The following WWC1 variants were observed in gnomAD, a reference collection of about 807,000 sequenced individuals.
WWC1 encodes the protein protein KIBRA.
A neutral mutation model predicts 138.4 loss-of-function variants in WWC1; 55 were observed. That is an observed-to-expected ratio of 0.40 (90% CI 0.32 to 0.50). The LOEUF (loss-of-function observed/expected upper bound fraction) is 0.50. Among genes scored for constraint, WWC1 ranks in the 20% least tolerant of loss-of-function variants. The pLI is 0.72. For missense variants in WWC1, 1,226 were observed against 1,420.4 expected (o/e 0.86, Z 2.20); for synonymous variants, 524 against 564.9 (o/e 0.93, Z 1.03).
intron 1 of WWC1, among the ~76,000 whole-genome samples, chr5:168,339,146 G>A (rs527589302): frequency 2.0e-5 from 3 of 152,134 alleles, no homozygotes; most frequent in African/African-American, 4.8e-5. Flanking sequence ...GCTGAGAAAC[G>A]GTCTGGCTAT....
Position 168,411,952 on chromosome 5 carries a change from G to A in WWC1, c.941+1957G>A, listed in dbSNP as rs571900044. The stretch of plus-strand genomic sequence containing the variant: ...GGAATATTATTAACAAAAGAAGAAG[G>A]AATTGAATACTGGTCAGGTAGAAAA... On this transcript the variant is annotated intron_variant, in intron 8 of 22. Coordinates refer to ENST00000265293, the MANE Select transcript of WWC1 (RefSeq NM_015238.3). The A allele has an allele frequency of 7.8e-4, 767 of 979,798 alleles. 1 individual carries two copies. The highest frequency in any genetic ancestry group is 9.2e-4 in the Admixed American group (15 of 16,258). The allele number at this position is 979,798 out of a possible 1,614,324, so 60.7% of individuals were successfully genotyped here.
chr5:168,339,869 C>T lies in WWC1; in HGVS notation c.120-31555C>T, dbSNP rs2152776173. Among the ~76,000 whole-genome samples, 4 of 129,928 alleles carry T rather than the reference C, an allele frequency of 3.1e-5. No individual in the cohort carries two copies. In the East Asian group the frequency reaches 6.1e-4, roughly 20 times the overall value. The allele number at this position is 129,928 out of a possible 152,430, so 85.2% of individuals were successfully genotyped here. On this transcript the variant is annotated intron_variant, in intron 1 of 22. Transcript: ENST00000265293. ...TCTTTCTTTCTCTCTTTCTCTCTCT[C>T]TCTCTCCCTCTCTCCCTCTCTCTCT...
Position 168,340,493 on chromosome 5 carries a change from C to T in WWC1, c.120-30931C>T, listed in dbSNP as rs144362476. Among the ~76,000 whole-genome samples, 3 of 151,808 alleles carry T rather than the reference C, an allele frequency of 2.0e-5. No individual in the cohort carries two copies. In the East Asian group the frequency reaches 5.8e-4, roughly 29 times the overall value. The stretch of plus-strand genomic sequence containing the variant: ...CACTTAGCAGTCATCCCCCAATCTT[C>T]ACTTCCCCCCAGCCCTAGACAACCA... On this transcript the variant is annotated intron_variant, in intron 1 of 22. Transcript: ENST00000265293.
intron 9 of WWC1, among the ~76,000 whole-genome samples, chr5:168,418,272 C>G (rs1477305): frequency 0.43 from 65,880 of 151,992 alleles, 15,734 homozygotes; most frequent in East Asian, 0.77. Context: ...CTGCCTCCCC[C>G]TCCTTCCCGA....
At chr5:168,457,856 T>TA (rs1756472029) in intron 19 of WWC1, among the ~76,000 whole-genome samples, 1 of 152,234 alleles carries the variant, frequency 6.6e-6, no homozygotes, top group African/African-American at 2.4e-5. Context: ...TTCCCTGAGA[T>TA]AAAAACAAAC....
chr5:168,387,998 G>A (rs1376049680), intron 3 of WWC1, among the ~76,000 whole-genome samples: 2 of 152,232 alleles, frequency 1.3e-5, no homozygotes, highest in East Asian at 1.9e-4. Context: ...TGGGGGACAG[G>A]ATATTTACAT....
intron 15 of WWC1, among the ~76,000 whole-genome samples, chr5:168,439,613 A>G (rs926806104): frequency 2.0e-5 from 3 of 150,900 alleles, no homozygotes; most frequent in African/African-American, 2.5e-5. Flanking sequence ...CTCGGCAACA[A>G]GAGCAAAACT....
At chr5:168,358,313 G>A (rs1011912596) in intron 1 of WWC1, among the ~76,000 whole-genome samples, 1 of 152,240 alleles carries the variant, frequency 6.6e-6, no homozygotes, top group Admixed American at 6.5e-5. Flanking sequence ...TTCAGAGAAT[G>A]AATGAGGATG....
intron 17 of WWC1, among the ~76,000 whole-genome samples, chr5:168,448,997 A>T (rs768916554): frequency 6.6e-6 from 1 of 152,164 alleles, no homozygotes; most frequent in Non-Finnish European, 1.5e-5. Flanking sequence ...CACTCAATCT[A>T]ATCAAACTGC....
chr5:168,323,833 C>T (rs1193275096), intron 1 of WWC1, among the ~76,000 whole-genome samples: 5 of 152,100 alleles, frequency 3.3e-5, no homozygotes, highest in Admixed American at 6.6e-5. Flanking sequence ...ACATCATAGT[C>T]AAACTGCTGA....
At chr5:168,430,759 T>A (rs138842047) in intron 14 of WWC1, among the ~76,000 whole-genome samples, 10 of 152,338 alleles carry the variant, frequency 6.6e-5, no homozygotes, top group African/African-American at 2.4e-4. Context: ...GGGTTTATCC[T>A]TTATTGCACT....
At chr5:168,300,320 C>G (rs1217178993) in intron 1 of WWC1, among the ~76,000 whole-genome samples, 2 of 151,838 alleles carry the variant, frequency 1.3e-5, no homozygotes, top group East Asian at 3.9e-4. Flanking sequence ...GGCAGGCGTT[C>G]ACTGTTGTGT....
At chr5:168,323,588 GA>G (rs1032934355) in intron 1 of WWC1, among the ~76,000 whole-genome samples, 2 of 151,528 alleles carry the variant, frequency 1.3e-5, no homozygotes, top group African/African-American at 2.4e-5. Context: ...AGCACAGAAG[GA>G]AAAAAAGCTT....
At chr5:168,362,849 G>T (rs1274752583) in intron 1 of WWC1, among the ~76,000 whole-genome samples, 2 of 152,194 alleles carry the variant, frequency 1.3e-5, no homozygotes, top group South Asian at 4.1e-4. Context: ...TTTGGCAGTG[G>T]GGAGGTGAGC....
chr5:168,307,365 C>T (rs1343388655), intron 1 of WWC1, among the ~76,000 whole-genome samples: 1 of 152,118 alleles, frequency 6.6e-6, no homozygotes, highest in Non-Finnish European at 1.5e-5. Flanking sequence ...TAGACTAGAG[C>T]GTCTTTCACT....
At chr5:168,310,941 A>G (rs968478179) in intron 1 of WWC1, among the ~76,000 whole-genome samples, 2 of 152,204 alleles carry the variant, frequency 1.3e-5, no homozygotes, top group African/African-American at 4.8e-5. Context: ...ACACTAGTTC[A>G]TGCAGTTTTT....
At chr5:168,311,462 T>A (rs879519864) in intron 1 of WWC1, among the ~76,000 whole-genome samples, 129 of 152,220 alleles carry the variant, frequency 8.5e-4, no homozygotes, top group Non-Finnish European at 1.6e-3. Flanking sequence ...CATGGTTTCC[T>A]CTGCCTCCTA....
rs182888404 is a variant in WWC1 at position 168,342,931 on chromosome 5, C to T, written c.120-28493C>T. Among the ~76,000 whole-genome samples, 104 of 152,262 alleles carry T rather than the reference C, an allele frequency of 6.8e-4. 2 individuals carry two copies. In the East Asian group the frequency reaches 0.018, roughly 27 times the overall value. ...AAGTGCCCACCACCAAGTATCTGGG[C>T]ACTAGGCAGGGAGCAAGGGGTGTTT... On this transcript the variant is annotated intron_variant, in intron 1 of 22. Transcript: ENST00000265293.
chr5:168,313,669 C>G (rs1234702288), intron 1 of WWC1, among the ~76,000 whole-genome samples: 1 of 151,492 alleles, frequency 6.6e-6, no homozygotes, highest in African/African-American at 2.4e-5. Flanking sequence ...AACCAGATCC[C>G]CAGAGGTACT....
Sources: gnomAD v4.1 joint callset for allele counts (sites outside exome capture counted in the v4.1 genomes callset) on GRCh38, gnomAD v4.1.1 for gene constraint, MANE v1.5 for transcripts, NCBI Gene and HGNC (gene_info 2026-07-23, HGNC 2026-07-21) for gene names.